NTRK3: variants seen among roughly 807,000 people sequenced by gnomAD.
The protein encoded by NTRK3 is NT-3 growth factor receptor.
A neutral mutation model predicts 91.7 loss-of-function variants in NTRK3; 24 were observed. The ratio of observed to expected loss-of-function variants is 0.26; its 90% CI spans 0.19 to 0.37. The LOEUF is 0.37. NTRK3 is among the 10% of genes least tolerant of loss of function. The pLI is 1.00. For synonymous variants in NTRK3, 483 were observed against 404.0 expected, an observed-to-expected ratio of 1.20 and a Z score of -2.34; for missense variants, 880 against 1,068.9, an observed-to-expected ratio of 0.82 and a Z score of 2.46.
chr15:88,096,818 G>T (rs749120981), intron 13 of NTRK3, among the ~76,000 whole-genome samples: 1 of 152,150 alleles, frequency 6.6e-6, no homozygotes, highest in Non-Finnish European at 1.5e-5. Flanking sequence ...TCACTGTCAC[G>T]CTCTTTCTTG....
intron 14 of NTRK3, among the ~76,000 whole-genome samples, chr15:87,988,023 C>T (rs1376127472): frequency 6.6e-6 from 1 of 152,130 alleles, no homozygotes; most frequent in Admixed American, 6.5e-5. Flanking sequence ...TGAGTGTACA[C>T]TGTTATTGGC....
chr15:87,984,769 G>A (rs1466170112), intron 14 of NTRK3, among the ~76,000 whole-genome samples: 1 of 152,128 alleles, frequency 6.6e-6, no homozygotes, highest in Non-Finnish European at 1.5e-5. Context: ...AAGTCCGAGA[G>A]TTCTGGCAAC....
At chr15:88,007,202 G>T (rs990528379) in intron 14 of NTRK3, among the ~76,000 whole-genome samples, 31 of 152,166 alleles carry the variant, frequency 2.0e-4, no homozygotes, top group African/African-American at 6.8e-4. Context: ...TATCCTATAT[G>T]GGCATTCTGT....
exon 19 of NTRK3, chr15:87,864,802 T>G (rs2064619885): frequency 4.4e-6 from 1 of 229,684 alleles, no homozygotes; most frequent in African/African-American, 2.2e-5. Flanking sequence ...GCTCTCAGTC[T>G]CTCAGCTCAG....
At chr15:88,194,563 G>A (rs1022023500) in intron 3 of NTRK3, among the ~76,000 whole-genome samples, 1 of 152,092 alleles carries the variant, frequency 6.6e-6, no homozygotes, top group Non-Finnish European at 1.5e-5. Context: ...TATCACCTGC[G>A]TCCAGGCCAC....
chr15:87,951,401 G>A (rs1041445444), intron 14 of NTRK3, among the ~76,000 whole-genome samples: 1 of 152,218 alleles, frequency 6.6e-6, no homozygotes, highest in African/African-American at 2.4e-5. Context: ...TGTTGGCAAA[G>A]ACCAGCATTC....
chr15:87,885,755 C>T lies in NTRK3; in HGVS notation c.2134-5327G>A. On this transcript the variant is annotated intron_variant, in intron 17 of 18. Transcript: ENST00000394480. ...AAAGAGCTAAACATAAAAAACAAAA[C>T]AATAATAATATTAGAAGAAAACTTA... 1 of 1,135,952 alleles carries T rather than the reference C, an allele frequency of 8.8e-7. No individual in the cohort carries two copies. Among genetic ancestry groups the T allele is most frequent in the Non-Finnish European group, 1.2e-6 (1 of 851,732 alleles). The allele number at this position is 1,135,952 out of a possible 1,614,324, so 70.4% of individuals were successfully genotyped here. A position where few individuals can be genotyped will look rare whatever the true frequency, so the allele number is the denominator to read the frequency against.
exon 14 of NTRK3, chr15:88,032,890 G>A (rs374272958): frequency 8.7e-6 from 14 of 1,613,654 alleles, no homozygotes; most frequent in South Asian, 5.5e-5. Context: ...TGTCCCTGAC[G>A]GAAGTACTGG....
intron 5 of NTRK3, among the ~76,000 whole-genome samples, chr15:88,153,671 G>A (rs1217434420): frequency 2.0e-5 from 3 of 152,032 alleles, no homozygotes; most frequent in Non-Finnish European, 4.4e-5. Flanking sequence ...TTATTTCTTA[G>A]TTCTAGAGGT....
chr15:88,207,234 G>T (rs905932536), intron 3 of NTRK3, among the ~76,000 whole-genome samples: 1 of 152,110 alleles, frequency 6.6e-6, no homozygotes, highest in Non-Finnish European at 1.5e-5. Context: ...CCTCCAGCGA[G>T]TCCCCAGGCA....
chr15:87,879,178 G>A (rs867759513), intron 18 of NTRK3, among the ~76,000 whole-genome samples: 5 of 152,232 alleles, frequency 3.3e-5, no homozygotes, highest in Middle Eastern at 3.4e-3. Flanking sequence ...AAGTGGTCAA[G>A]ACATAGGAGA....
Position 87,923,311 on chromosome 15 carries a change from G to T in NTRK3, c.2133+5880C>A, listed in dbSNP as rs145580587. ...CTGGGTTCTTGCCATGAAAGAAAGT[G>T]ATTAGTCCCCACTTTCAGGCCAGGT... is the stretch of plus-strand genomic sequence containing the variant. On this transcript the variant is annotated intron_variant, in intron 17 of 18. Transcript: ENST00000394480. 6.4e-3 allele frequency among the ~76,000 whole-genome samples: 974 copies of T among 152,298 alleles called. 7 individuals are homozygous for T. The highest frequency in any genetic ancestry group is 0.024 in the Middle Eastern group (7 of 294).
intron 14 of NTRK3, among the ~76,000 whole-genome samples, chr15:87,948,435 C>T (rs1390782222): frequency 1.3e-5 from 2 of 152,212 alleles, no homozygotes; most frequent in South Asian, 4.1e-4. Context: ...CGCCTGTAAT[C>T]CCAGCACTTT....
At chr15:88,077,964 G>A (rs1034626319) in intron 13 of NTRK3, among the ~76,000 whole-genome samples, 6 of 152,158 alleles carry the variant, frequency 3.9e-5, no homozygotes, top group African/African-American at 1.4e-4. Context: ...GTCCTAACAG[G>A]CCCCACAGGC....
chr15:87,927,790 T>C (rs1185548049), intron 17 of NTRK3: 1 of 152,194 alleles, frequency 6.6e-6, no homozygotes, highest in African/African-American at 2.4e-5. Context: ...ATCTTGGAAT[T>C]CCCATCCTCC....
chr15:88,154,654 T>C (rs990611656), intron 5 of NTRK3, among the ~76,000 whole-genome samples: 4 of 152,216 alleles, frequency 2.6e-5, no homozygotes, highest in Non-Finnish European at 5.9e-5. Context: ...GTCTTGACCT[T>C]AGCTCAGGAG....
At chr15:88,164,687 C>T (rs551904086) in intron 5 of NTRK3, among the ~76,000 whole-genome samples, 1 of 152,266 alleles carries the variant, frequency 6.6e-6, no homozygotes, top group Non-Finnish European at 1.5e-5. Context: ...CCCACCCTGC[C>T]CCCATCTCTG....
intron 5 of NTRK3, among the ~76,000 whole-genome samples, chr15:88,157,290 T>A (rs2044000734): frequency 6.6e-6 from 1 of 151,718 alleles, no homozygotes; most frequent in South Asian, 2.1e-4. Context: ...TACACACTTA[T>A]CCCCACAGCT....
At chr15:88,066,143 C>T (rs2046632886) in intron 13 of NTRK3, among the ~76,000 whole-genome samples, 1 of 152,146 alleles carries the variant, frequency 6.6e-6, no homozygotes, top group African/African-American at 2.4e-5. Context: ...ATTTTAATGT[C>T]AATTCTCTGA....
Sources: gnomAD v4.1 joint callset for allele counts (sites outside exome capture counted in the v4.1 genomes callset) on GRCh38, gnomAD v4.1.1 for gene constraint, MANE v1.5 for transcripts, NCBI Gene and HGNC (gene_info 2026-07-23, HGNC 2026-07-21) for gene names.